The following DYNC2H1 variants were observed in gnomAD, a reference collection of about 807,000 sequenced individuals.
DYNC2H1 encodes the protein dynein cytoplasmic 2 heavy chain 1.
DYNC2H1 carries 410 observed loss-of-function variants against 570.0 expected under a neutral mutation model. The observed-to-expected ratio is 0.72, with a 90% confidence interval of 0.66 to 0.78. DYNC2H1 has a LOEUF of 0.78. Ranked by LOEUF, DYNC2H1 falls within the 30% of genes least tolerant of loss-of-function variation. The probability of loss-of-function intolerance (pLI) is 0.00; values close to 1 mark genes in which losing one functional copy is unlikely to be tolerated. For synonymous variants in DYNC2H1, 1,688 were observed against 1,677.6 expected (o/e 1.01, Z -0.15); for missense variants, 4,865 against 5,046.4 (o/e 0.96, Z 1.09).
At chr11:103,315,299 A>G (rs1937762210) in intron 79 of DYNC2H1, among the ~76,000 whole-genome samples, 1 of 152,054 alleles carries the variant, frequency 6.6e-6, no homozygotes, top group Non-Finnish European at 1.5e-5. Context: ...GTTTATTGCT[A>G]TGTTTTAATT....
chr11:103,250,706 T>C (rs1261822701), intron 65 of DYNC2H1, among the ~76,000 whole-genome samples: 2 of 152,116 alleles, frequency 1.3e-5, no homozygotes, highest in African/African-American at 4.8e-5. Flanking sequence ...CTTTTCTTTT[T>C]TCTAATATAT....
intron 52 of DYNC2H1, among the ~76,000 whole-genome samples, chr11:103,206,675 G>A (rs1192906103): frequency 6.6e-6 from 1 of 152,062 alleles, no homozygotes; most frequent in Admixed American, 6.6e-5. Context: ...GCATGTCAAA[G>A]GAAGAAAGTA....
At chr11:103,419,217 G>T (rs564782981) in intron 84 of DYNC2H1, among the ~76,000 whole-genome samples, 26 of 152,194 alleles carry the variant, frequency 1.7e-4, no homozygotes, top group Non-Finnish European at 3.5e-4. Flanking sequence ...GCTGGCTTGG[G>T]AGAATACAAA....
At position 103,256,081 on chromosome 11, in the gene DYNC2H1, T is replaced by C; in HGVS notation, c.10327-25T>C. On this transcript the variant is annotated intron_variant, in intron 67 of 88. Transcript: ENST00000375735. This position sits in a 1 kb window ranked among gnomAD's most constrained non-coding sequence, Gnocchi z 4.0. ...GGTTATTTTTATATGTATAATAATA[T>C]TCATATTGTTAACTTTCCCTACAGA... The C allele has an allele frequency of 6.4e-7, 1 of 1,562,356 alleles. No individual in the cohort carries two copies. Among genetic ancestry groups the C allele is most frequent in the Non-Finnish European group, 8.7e-7 (1 of 1,150,756 alleles).
intron 38 of DYNC2H1, 49 bp from the exon 39 acceptor site, chr11:103,178,977 T>G (rs779201769): frequency 6.7e-7 from 1 of 1,501,374 alleles, no homozygotes; most frequent in Non-Finnish European, 9.1e-7. Context: ...TTAATTATTA[T>G]CACTGCATAT....
chr11:103,401,432 C>T (rs999684609), intron 84 of DYNC2H1, among the ~76,000 whole-genome samples: 1 of 151,994 alleles, frequency 6.6e-6, no homozygotes, highest in African/African-American at 2.4e-5. Context: ...GACGGGTACA[C>T]AATGAAGTAT....
chr11:103,182,015 C>T lies in DYNC2H1; in HGVS notation c.6477+129C>T. 6.8e-6 allele frequency: 6 copies of T among 885,598 alleles called. No individual in the cohort carries two copies. In the South Asian group the frequency reaches 9.6e-5, roughly 14 times the overall value. The allele number at this position is 885,598 out of a possible 1,614,324, so 54.9% of individuals were successfully genotyped here. A position where few individuals can be genotyped will look rare whatever the true frequency, so the allele number is the denominator to read the frequency against. ...GTGAGGTGAGAGGTGGATTTTGTCA[C>T]TGCTACTCCTCTGTATCTCTTAGCA... On this transcript the variant is annotated intron_variant, in intron 40 of 88. Coordinates refer to ENST00000375735, the MANE Select transcript of DYNC2H1 (RefSeq NM_001377.3).
chr11:103,288,841 G>A (rs12294749), intron 75 of DYNC2H1, among the ~76,000 whole-genome samples: 22,605 of 145,212 alleles, frequency 0.16, 1,875 homozygotes, highest in Admixed American at 0.23. Context: ...ATATCATACC[G>A]CTGCACTCCA....
At chr11:103,311,434 G>A (rs1218607665) in intron 78 of DYNC2H1, among the ~76,000 whole-genome samples, 4 of 152,044 alleles carry the variant, frequency 2.6e-5, no homozygotes, top group African/African-American at 4.8e-5. Flanking sequence ...CATAAGGAAC[G>A]TTAGTTGACA....
rs531963601 is a variant in DYNC2H1, at chr11:103,170,691, A to T, written c.5152-195A>T. ...TGCAAGCTTTTTAGAACACTTTCAC[A>T]TGCATTATTTTGTTTATCCCTTGAA... On this transcript the variant is annotated intron_variant, in intron 33 of 88. Coordinates refer to ENST00000375735, the MANE Select transcript of DYNC2H1 (RefSeq NM_001377.3). This position sits in a 1 kb window ranked among gnomAD's most constrained non-coding sequence, Gnocchi z 4.8. Among the ~76,000 whole-genome samples the T allele has an allele frequency of 6.6e-6, 1 of 152,190 alleles. No individual in the cohort carries two copies. Among genetic ancestry groups the T allele is most frequent in the Admixed American group, 6.6e-5 (1 of 15,260 alleles).
rs2135444475 is a variant in DYNC2H1 at position 103,323,906 on chromosome 11, G to A, written c.11955G>A (p.Glu3985=). The change falls in exon 82 of 89, where the codon GAG becomes GAA. Residue 3985 remains glutamate (E), a synonymous_variant. Coordinates refer to ENST00000375735, the MANE Select transcript of DYNC2H1 (RefSeq NM_001377.3). The part of the protein sequence containing the change: ...CSILDYRAVI[E]KIPEDDKPSF... The stretch of plus-strand genomic sequence containing the variant: ...TTTAGGACTATCGTGCTGTCATTGA[G>A]AAAATTCCAGAGGACGACAAACCTA... 2 of 1,612,288 alleles carry A rather than the reference G, an allele frequency of 1.2e-6. No homozygotes were observed. Among genetic ancestry groups the A allele is most frequent in the Admixed American group, 3.3e-5 (2 of 59,960 alleles).
chr11:103,278,628 G>T (rs2135331175), intron 70 of DYNC2H1, among the ~76,000 whole-genome samples: 1 of 152,002 alleles, frequency 6.6e-6, no homozygotes, highest in South Asian at 2.1e-4. Context: ...ATGCAATGGG[G>T]AGATCTTGGC....
intron 20 of DYNC2H1, among the ~76,000 whole-genome samples, chr11:103,149,042 G>A (rs539736239): frequency 3.9e-5 from 6 of 152,270 alleles, no homozygotes; most frequent in African/African-American, 1.4e-4. Flanking sequence ...GGGTGACAGA[G>A]CGAGACTCTG....
At chr11:103,448,193 C>A (rs777696247) in intron 85 of DYNC2H1, among the ~76,000 whole-genome samples, 2 of 151,950 alleles carry the variant, frequency 1.3e-5, no homozygotes, top group African/African-American at 4.8e-5. Context: ...GTAAGCAAAT[C>A]GGGGGAGGTT....
intron 87 of DYNC2H1, among the ~76,000 whole-genome samples, chr11:103,460,505 T>G (rs116437345): frequency 0.029 from 4,421 of 150,334 alleles, 238 homozygotes; most frequent in African/African-American, 0.1. Context: ...TGGGCTGCAC[T>G]GACAGTAAAA....
At chr11:103,165,576 AAAG>A (rs1305440974) in intron 30 of DYNC2H1, among the ~76,000 whole-genome samples, 3 of 152,230 alleles carry the variant, frequency 2.0e-5, no homozygotes, top group Admixed American at 1.3e-4. Flanking sequence ...TACTGGTTGA[AAAG>A]AAGCCATTTC....
rs929079682 is a variant in DYNC2H1, at chr11:103,236,602, T to C, written c.9819+63T>C. ...TTATTGTCAAGCTTGCTGTAGAAAT[T>C]GTGTTCTTCGTATTCTTAGTCTTTC... On this transcript the variant is annotated intron_variant, in intron 63 of 88. Coordinates refer to ENST00000375735, the MANE Select transcript of DYNC2H1 (RefSeq NM_001377.3). The C allele has an allele frequency of 5.5e-6, 5 of 914,258 alleles. No homozygotes were observed. The African/African-American group carries it at 8.5e-5, about 16-fold the overall frequency. The allele number at this position is 914,258 out of a possible 1,614,324, so 56.6% of individuals were successfully genotyped here. A position where few individuals can be genotyped will look rare whatever the true frequency, so the allele number is the denominator to read the frequency against.
intron 70 of DYNC2H1, among the ~76,000 whole-genome samples, chr11:103,279,477 T>G (rs995869078): frequency 6.6e-6 from 1 of 152,150 alleles, no homozygotes; most frequent in Non-Finnish European, 1.5e-5. Context: ...GTTTCTTCCT[T>G]CTTTCTTTTT....
intron 85 of DYNC2H1, among the ~76,000 whole-genome samples, chr11:103,447,001 G>A (rs575168): frequency 6.6e-6 from 1 of 151,628 alleles, no homozygotes; most frequent in Admixed American, 6.6e-5. Flanking sequence ...AGTGGTTCAG[G>A]TTCTGCATGA....
Sources: allele counts gnomAD v4.1 joint callset (sites outside exome capture counted in the v4.1 genomes callset), GRCh38; gene constraint gnomAD v4.1.1; non-coding constraint Gnocchi (gnomAD v3.1); transcripts MANE v1.5; gene names NCBI Gene and HGNC (gene_info 2026-07-23, HGNC 2026-07-21).